The following PRKCQ variants were observed in gnomAD, a reference collection of about 807,000 sequenced individuals.
PRKCQ encodes protein kinase C theta type.
In PRKCQ, 41 loss-of-function variants were observed where a neutral mutation model predicts 91.2. The ratio of observed to expected loss-of-function variants is 0.45; its 90% CI spans 0.35 to 0.58. The LOEUF is 0.58. Among genes scored for constraint, PRKCQ ranks in the 20% least tolerant of loss-of-function variants. PRKCQ has a pLI of 0.00. For missense variants in PRKCQ, 673 were observed against 896.5 expected (o/e 0.75, Z 3.18); for synonymous variants, 307 against 316.9 (o/e 0.97, Z 0.33).
At chr10:6,546,038 A>T (rs185047792) in intron 1 of PRKCQ, among the ~76,000 whole-genome samples, 1 of 152,250 alleles carries the variant, frequency 6.6e-6, no homozygotes, top group East Asian at 1.9e-4. Flanking sequence ...TCACATGGTA[A>T]ATTTTGTGTT....
chr10:6,505,192 A>G (rs1231639135), intron 4 of PRKCQ, among the ~76,000 whole-genome samples: 2 of 152,108 alleles, frequency 1.3e-5, no homozygotes, highest in African/African-American at 2.4e-5. Flanking sequence ...GTGCCCGGCC[A>G]AAGCTTTATT....
At chr10:6,536,446 C>T (rs1334286374) in intron 1 of PRKCQ, among the ~76,000 whole-genome samples, 1 of 152,202 alleles carries the variant, frequency 6.6e-6, no homozygotes, top group Non-Finnish European at 1.5e-5. Context: ...ATGACAGCAG[C>T]AGACTTGTAG....
chr10:6,423,472 G>A (rs774756548), downstream of PRKCQ, among the ~76,000 whole-genome samples: 1 of 152,180 alleles, frequency 6.6e-6, no homozygotes, highest in Admixed American at 6.5e-5. Context: ...TCATTCCCCG[G>A]CCTGCCGTCG....
chr10:6,408,109 T>C, the PRKCQ span, among the ~76,000 whole-genome samples: 1 of 142,986 alleles, frequency 7.0e-6, no homozygotes, highest in East Asian at 2.2e-4. Context: ...ATAAGGGCCA[T>C]ATACTGTGAT....
At position 6,553,512 on chromosome 10, in the gene PRKCQ, A is replaced by AT. The variant is rs375879407; in HGVS notation, c.-10+26698_-10+26699insA. 3.0e-3 allele frequency among the ~76,000 whole-genome samples: 429 copies of AT among 140,844 alleles called. 13 individuals carry two copies. The East Asian group carries it at 0.047, about 15-fold the overall frequency. The allele number at this position is 140,844 out of a possible 152,430, so 92.4% of individuals were successfully genotyped here. ...CTCAAAAAAAAAAAAAAAAAAAAAA[A>AT]AAAAACAAACAAACAAAAGAAGAAG... On this transcript the variant is annotated intron_variant, in intron 1 of 17. Coordinates refer to ENST00000263125, the MANE Select transcript of PRKCQ (RefSeq NM_006257.5).
Position 6,451,695 on chromosome 10 carries a change from C to T in PRKCQ, c.1647+4979G>A, listed in dbSNP as rs935077500. On this transcript the variant is annotated intron_variant, in intron 15 of 17. Coordinates refer to ENST00000263125, the MANE Select transcript of PRKCQ (RefSeq NM_006257.5). ...AATCCTCAATAAAATACTGGCAAAC[C>T]GAATCCAGCAGCACATTAAAAAGCT... 3.6e-3 allele frequency among the ~76,000 whole-genome samples: 542 copies of T among 152,086 alleles called. 5 individuals carry two copies. The highest frequency in any genetic ancestry group is 4.0e-3 in the Non-Finnish European group (275 of 67,996).
intron 1 of PRKCQ, among the ~76,000 whole-genome samples, chr10:6,555,138 G>T (rs1840361451): frequency 1.3e-5 from 2 of 151,980 alleles, no homozygotes; most frequent in African/African-American, 4.8e-5. Context: ...AGGTGGGAGG[G>T]GGGGGGTCTA....
At chr10:6,395,808 C>A in the PRKCQ span, among the ~76,000 whole-genome samples, 2 of 152,108 alleles carry the variant, frequency 1.3e-5, no homozygotes, top group Admixed American at 6.5e-5. Flanking sequence ...TTTGCAATGG[C>A]GGTTTCATTA....
At chr10:6,511,930 T>C (rs1170392375) in intron 2 of PRKCQ, among the ~76,000 whole-genome samples, 1 of 152,236 alleles carries the variant, frequency 6.6e-6, no homozygotes, top group Non-Finnish European at 1.5e-5. Context: ...ATTCAACAGT[T>C]AGTTGCTTCA....
At chr10:6,550,120 T>A (rs1840126024) in intron 1 of PRKCQ, among the ~76,000 whole-genome samples, 1 of 152,200 alleles carries the variant, frequency 6.6e-6, no homozygotes, top group African/African-American at 2.4e-5. Flanking sequence ...TTTCTGTGAA[T>A]TTGACTACTT....
Position 6,428,105 on chromosome 10 carries a change from G to GTT in PRKCQ, c.*100_*101dup. The GTT allele has an allele frequency of 1.4e-6, 2 of 1,465,300 alleles. No individual in the cohort carries two copies. Among genetic ancestry groups the GTT allele is most frequent in the South Asian group, 2.4e-5 (2 of 83,786 alleles). The allele number at this position is 1,465,300 out of a possible 1,614,324, so 90.8% of individuals were successfully genotyped here. Reference sequence around the variant, plus strand: ...CGGGTCTCAGTCTTTATTGTTGAGTGTTTCTTTCTTTTTCCAAGTTGAAAA... The same window carrying GTT: ...CGGGTCTCAGTCTTTATTGTTGAGTGTTTTTCTTTCTTTTTCCAAGTTGAAAA... On this transcript the variant is annotated 3_prime_UTR_variant, in exon 18 of 18. Transcript: ENST00000263125.
intron 8 of PRKCQ, among the ~76,000 whole-genome samples, chr10:6,487,879 T>A (rs1363937802): frequency 1.3e-5 from 2 of 151,594 alleles, no homozygotes; most frequent in African/African-American, 4.9e-5. Context: ...GTGGTGCACA[T>A]CTGTAATCCC....
At chr10:6,556,564 G>C (rs1840425834) in intron 1 of PRKCQ, among the ~76,000 whole-genome samples, 2 of 151,934 alleles carry the variant, frequency 1.3e-5, no homozygotes, top group East Asian at 3.9e-4. Flanking sequence ...ACTGCTTACT[G>C]GGTACAGAGC....
intron 15 of PRKCQ, among the ~76,000 whole-genome samples, chr10:6,455,263 T>C (rs376985225): frequency 2.6e-5 from 4 of 152,246 alleles, no homozygotes; most frequent in African/African-American, 7.2e-5. Flanking sequence ...AAATGGTTTA[T>C]AGCATCAAAA....
intron 2 of PRKCQ, among the ~76,000 whole-genome samples, chr10:6,513,907 C>T (rs1339675253): frequency 6.6e-6 from 1 of 152,194 alleles, no homozygotes; most frequent in Non-Finnish European, 1.5e-5. Flanking sequence ...TATAAAATAA[C>T]ACACATCCCT....
At chr10:6,440,915 G>A (rs746145690) in intron 16 of PRKCQ, among the ~76,000 whole-genome samples, 11 of 152,192 alleles carry the variant, frequency 7.2e-5, no homozygotes, top group Non-Finnish European at 1.6e-4. Context: ...TTTAACCTGG[G>A]AGGTGGAGGT....
the PRKCQ span, among the ~76,000 whole-genome samples, chr10:6,411,947 C>T: frequency 1.3e-5 from 2 of 152,200 alleles, no homozygotes; most frequent in African/African-American, 2.4e-5. Flanking sequence ...TTGATAGATA[C>T]TAAGTCTTTT....
chr10:6,402,051 G>A, the PRKCQ span, among the ~76,000 whole-genome samples: 4 of 152,042 alleles, frequency 2.6e-5, no homozygotes, highest in African/African-American at 9.7e-5. Flanking sequence ...GAACACAGAC[G>A]CTGCAAAGAA....
chr10:6,405,241 C>T, the PRKCQ span, among the ~76,000 whole-genome samples: 1 of 152,262 alleles, frequency 6.6e-6, no homozygotes, highest in South Asian at 2.1e-4. Flanking sequence ...TCTCAGCCTC[C>T]CAGAGTGTTG....
Sources: gnomAD v4.1 joint callset for allele counts (sites outside exome capture counted in the v4.1 genomes callset) on GRCh38, gnomAD v4.1.1 for gene constraint, MANE v1.5 for transcripts, NCBI Gene and HGNC (gene_info 2026-07-23, HGNC 2026-07-21) for gene names.